RBFOX1: variants seen among roughly 807,000 people sequenced by gnomAD.
RBFOX1 encodes the protein RNA binding fox-1 homolog 1, also known as RNA binding protein fox-1 homolog 1.
A neutral mutation model predicts 57.7 loss-of-function variants in RBFOX1; 8 were observed. The ratio of observed to expected loss-of-function variants is 0.14; its 90% CI spans 0.08 to 0.25. The LOEUF (loss-of-function observed/expected upper bound fraction) is 0.25, where lower values mean the gene tolerates loss of function less well. Among genes scored for constraint, RBFOX1 ranks in the 10% least tolerant of loss-of-function variants. The pLI is 1.00. For synonymous variants in RBFOX1, 326 were observed against 222.4 expected, an observed-to-expected ratio of 1.47 and a Z score of -4.15; for missense variants, 611 against 548.5, an observed-to-expected ratio of 1.11 and a Z score of -1.14.
In RBFOX1 at chr16:7,139,176, C is replaced by CTCTCTCTCTCTCTCTCTGTGTG. The variant is rs372381673; in HGVS notation, c.27+87079_27+87080insCTCTCTCTCTCTCTCTGTGTGT. On this transcript the variant is annotated intron_variant, in intron 4 of 15. Transcript: ENST00000550418. ...TAATGCAGATGAAATCAATCTCTCT[C>CTCTCTCTCTCTCTCTCTGTGTG]TGTGTGTGTGTGTGTGTGTGTATGT... Among the ~76,000 whole-genome samples the CTCTCTCTCTCTCTCTCTGTGTG allele has an allele frequency of 1.7e-3, 254 of 145,904 alleles. 2 individuals are homozygous for CTCTCTCTCTCTCTCTCTGTGTG. Among genetic ancestry groups the CTCTCTCTCTCTCTCTCTGTGTG allele is most frequent in the African/African-American group, 4.8e-3 (185 of 38,916 alleles).
At chr16:6,690,611 G>A (rs1429781134) in intron 3 of RBFOX1, among the ~76,000 whole-genome samples, 2 of 152,086 alleles carry the variant, frequency 1.3e-5, no homozygotes, top group Non-Finnish European at 2.9e-5. Flanking sequence ...GTAAGACCAA[G>A]CAGGGATTGG....
At chr16:7,122,068 T>A (rs1219565720) in intron 4 of RBFOX1, among the ~76,000 whole-genome samples, 2 of 152,010 alleles carry the variant, frequency 1.3e-5, no homozygotes, top group Non-Finnish European at 2.9e-5. Flanking sequence ...AACACATGGG[T>A]AAAATATTCA....
intron 4 of RBFOX1, among the ~76,000 whole-genome samples, chr16:7,343,981 C>T (rs897789520): frequency 1.3e-5 from 2 of 152,044 alleles, no homozygotes; most frequent in Non-Finnish European, 2.9e-5. Context: ...CAACCAACAC[C>T]AATGCAATTA....
intron 4 of RBFOX1, among the ~76,000 whole-genome samples, chr16:7,246,894 G>C (rs1294373447): frequency 2.0e-5 from 3 of 152,094 alleles, no homozygotes; most frequent in Admixed American, 6.5e-5. Flanking sequence ...AGACAGGAAA[G>C]TTATACAACC....
chr16:5,730,015 A>T (rs1038862611), intron 3 of RBFOX1, among the ~76,000 whole-genome samples: 1 of 152,172 alleles, frequency 6.6e-6, no homozygotes, highest in Non-Finnish European at 1.5e-5. Flanking sequence ...GGGTGCCTCA[A>T]ATCCTGCCTT....
At chr16:6,426,478 A>G (rs148346713) in intron 2 of RBFOX1, among the ~76,000 whole-genome samples, 1 of 152,102 alleles carries the variant, frequency 6.6e-6, no homozygotes, top group African/African-American at 2.4e-5. Flanking sequence ...AGAAAGGACT[A>G]AAATAGGCCT....
intron 4 of RBFOX1, among the ~76,000 whole-genome samples, chr16:7,282,962 C>T (rs561210507): frequency 1.3e-5 from 2 of 152,198 alleles, no homozygotes; most frequent in African/African-American, 2.4e-5. Flanking sequence ...GTTTGTGTAT[C>T]TGTGTGTGTG....
At chr16:5,650,512 A>C (rs183676874) in intron 3 of RBFOX1, among the ~76,000 whole-genome samples, 4 of 152,312 alleles carry the variant, frequency 2.6e-5, no homozygotes, top group Admixed American at 2.6e-4. Context: ...GTGATTAGTT[A>C]TAGGAAAATC....
At chr16:7,152,797 G>T (rs1177373761) in intron 4 of RBFOX1, among the ~76,000 whole-genome samples, 1 of 152,148 alleles carries the variant, frequency 6.6e-6, no homozygotes, top group African/African-American at 2.4e-5. Context: ...AAGCATGGTG[G>T]ACCATTTTCC....
intron 2 of RBFOX1, among the ~76,000 whole-genome samples, chr16:6,557,048 T>TATATATACATATATACATAC (rs1284860801): frequency 1.7e-5 from 2 of 121,162 alleles, no homozygotes; most frequent in East Asian, 2.0e-4. Context: ...TATATATACA[T>TATATATACATATATACATAC]ATATATACAT....
At chr16:7,495,767 G>A (rs908984872) in intron 4 of RBFOX1, among the ~76,000 whole-genome samples, 3 of 152,108 alleles carry the variant, frequency 2.0e-5, no homozygotes, top group African/African-American at 7.2e-5. Flanking sequence ...CACTGCTTGG[G>A]TAACGGGTGC....
chr16:6,192,077 T>G (rs887397916), intron 1 of RBFOX1, among the ~76,000 whole-genome samples: 1 of 152,212 alleles, frequency 6.6e-6, no homozygotes, highest in Non-Finnish European at 1.5e-5. Flanking sequence ...GAATTCAGCA[T>G]GAGCTGCATC....
intron 1 of RBFOX1, among the ~76,000 whole-genome samples, chr16:6,178,177 C>CTTTTTT (rs34382826): frequency 2.9e-5 from 2 of 69,616 alleles, no homozygotes; most frequent in Non-Finnish European, 2.7e-5. Flanking sequence ...AAAGGTCACT[C>CTTTTTT]TTTTTTTTTT....
intron 3 of RBFOX1, among the ~76,000 whole-genome samples, chr16:6,916,099 A>G (rs1366137419): frequency 6.6e-6 from 1 of 152,182 alleles, no homozygotes; most frequent in South Asian, 2.1e-4. Context: ...GGGAAAGGGC[A>G]TAAGCGCTGT....
At chr16:5,579,456 C>T (rs1172981436) in intron 2 of RBFOX1, among the ~76,000 whole-genome samples, 26 of 152,104 alleles carry the variant, frequency 1.7e-4, no homozygotes, top group Non-Finnish European at 1.0e-4. Context: ...TGTGTGCACT[C>T]GTAGAATCCA....
intron 4 of RBFOX1, among the ~76,000 whole-genome samples, chr16:7,066,918 A>T (rs2056190530): frequency 6.6e-6 from 1 of 152,192 alleles, no homozygotes; most frequent in African/African-American, 2.4e-5. Context: ...CTAAAAACAG[A>T]TTACTCATGT....
intron 3 of RBFOX1, among the ~76,000 whole-genome samples, chr16:6,903,113 G>A (rs764174487): frequency 9.2e-5 from 14 of 152,154 alleles, no homozygotes; most frequent in Non-Finnish European, 1.6e-4. Flanking sequence ...CTTGGAGGAC[G>A]CGATTCTGAA....
intron 1 of RBFOX1, among the ~76,000 whole-genome samples, chr16:5,442,695 C>A (rs1218487833): frequency 6.6e-6 from 1 of 152,158 alleles, no homozygotes; most frequent in Non-Finnish European, 1.5e-5. Context: ...CTGCTATGTG[C>A]CATCACCTGG....
chr16:7,284,656 T>G (rs904017540), intron 4 of RBFOX1, among the ~76,000 whole-genome samples: 2 of 152,184 alleles, frequency 1.3e-5, no homozygotes, highest in African/African-American at 4.8e-5. Flanking sequence ...AAGATGTTTT[T>G]TAAGAGAGGC....
Sources: gnomAD v4.1 joint callset for allele counts (sites outside exome capture counted in the v4.1 genomes callset) on GRCh38, gnomAD v4.1.1 for gene constraint, MANE v1.5 for transcripts, NCBI Gene and HGNC (gene_info 2026-07-23, HGNC 2026-07-21) for gene names.